The following RBFOX1 variants were observed in gnomAD, a reference collection of about 807,000 sequenced individuals.
RBFOX1 encodes RNA binding fox-1 homolog 1.
Under a neutral mutation model 57.7 loss-of-function variants are expected in RBFOX1, and 8 were observed. The ratio of observed to expected loss-of-function variants is 0.14; its 90% CI spans 0.08 to 0.25. RBFOX1 has a LOEUF of 0.25. Ranked by LOEUF, RBFOX1 falls within the 10% of genes least tolerant of loss-of-function variation. The probability of loss-of-function intolerance (pLI) is 1.00; values close to 1 mark genes in which losing one functional copy is unlikely to be tolerated. For missense variants in RBFOX1, 611 were observed against 548.5 expected, an observed-to-expected ratio of 1.11 and a Z score of -1.14; for synonymous variants, 326 against 222.4, an observed-to-expected ratio of 1.47 and a Z score of -4.15.
Position 6,406,896 on chromosome 16 carries a change from C to G in RBFOX1, c.-64+89839C>G, listed in dbSNP as rs182263351. Among the ~76,000 whole-genome samples, 9 of 152,262 alleles carry G rather than the reference C, an allele frequency of 5.9e-5. No homozygotes were observed. The East Asian group carries it at 1.5e-3, about 26-fold the overall frequency. The stretch of plus-strand genomic sequence containing the variant: ...TTGTGTGTTTATATGCTGGCTGACC[C>G]CCCTACTGACTGTGTGACTACGGAA... On this transcript the variant is annotated intron_variant, in intron 2 of 15. Transcript: ENST00000550418.
At chr16:7,150,458 C>A (rs980470796) in intron 4 of RBFOX1, among the ~76,000 whole-genome samples, 5 of 152,120 alleles carry the variant, frequency 3.3e-5, no homozygotes, top group African/African-American at 1.2e-4. Context: ...CAATGTCAGC[C>A]ACAACTTCCA....
At chr16:5,665,466 C>G (rs139005722) in intron 3 of RBFOX1, among the ~76,000 whole-genome samples, 1 of 150,428 alleles carries the variant, frequency 6.6e-6, no homozygotes, top group Non-Finnish European at 1.5e-5. Context: ...GTAGTTCTCC[C>G]CACATACCAC....
intron 5 of RBFOX1, among the ~76,000 whole-genome samples, chr16:7,535,947 A>T (rs2081361308): frequency 6.6e-6 from 1 of 152,194 alleles, no homozygotes; most frequent in Non-Finnish European, 1.5e-5. Context: ...GAGGCGCAGA[A>T]CTGGGCCTTG....
chr16:7,704,591 C>T (rs547224846), intron 14 of RBFOX1, among the ~76,000 whole-genome samples: 1 of 152,170 alleles, frequency 6.6e-6, no homozygotes, highest in South Asian at 2.1e-4. Flanking sequence ...CTGTTCTAGA[C>T]AGTGGGGATG....
intron 2 of RBFOX1, among the ~76,000 whole-genome samples, chr16:6,590,880 G>A (rs1272090183): frequency 1.3e-5 from 2 of 152,050 alleles, no homozygotes; most frequent in African/African-American, 2.4e-5. Flanking sequence ...GGAGTGACCC[G>A]TGGCAAAAGC....
At chr16:7,218,465 A>G (rs1006536691) in intron 4 of RBFOX1, among the ~76,000 whole-genome samples, 3 of 152,312 alleles carry the variant, frequency 2.0e-5, no homozygotes, top group African/African-American at 7.2e-5. Context: ...GAGAGAGCTC[A>G]TACAGAAGAG....
chr16:6,451,389 C>G (rs2153046108), intron 2 of RBFOX1, among the ~76,000 whole-genome samples: 1 of 152,088 alleles, frequency 6.6e-6, no homozygotes, highest in Non-Finnish European at 1.5e-5. Flanking sequence ...ATTTTTTTGA[C>G]TTTCAACCCC....
chr16:6,124,794 G>C (rs8061855), intron 1 of RBFOX1, among the ~76,000 whole-genome samples: 95,882 of 151,972 alleles, frequency 0.63, 30,577 homozygotes, highest in Middle Eastern at 0.72. Context: ...TTCCAAAATG[G>C]TAGGATTACA....
At chr16:5,438,459 CT>C (rs1450122557) in intron 1 of RBFOX1, among the ~76,000 whole-genome samples, 2 of 152,154 alleles carry the variant, frequency 1.3e-5, no homozygotes, top group Non-Finnish European at 2.9e-5. Context: ...CAAGTGCTGT[CT>C]TGACATCTTT....
chr16:6,468,537 C>G (rs1412671037), intron 2 of RBFOX1, among the ~76,000 whole-genome samples: 3 of 152,090 alleles, frequency 2.0e-5, no homozygotes, highest in Non-Finnish European at 4.4e-5. Context: ...TGGTATAGCA[C>G]CTTCTGTTTT....
chr16:5,969,504 A>G (rs1490381013), intron 4 of RBFOX1, among the ~76,000 whole-genome samples: 2 of 63,934 alleles, frequency 3.1e-5, no homozygotes, highest in Non-Finnish European at 7.1e-5. Flanking sequence ...TTGTATTTTT[A>G]GTAGAGACGG....
intron 3 of RBFOX1, among the ~76,000 whole-genome samples, chr16:7,005,005 A>G (rs1220435952): frequency 3.9e-5 from 6 of 152,148 alleles, no homozygotes; most frequent in South Asian, 2.1e-4. Context: ...TTAGCAGAGC[A>G]TGATGGTGCG....
chr16:7,677,799 G>A (rs1181442599), intron 14 of RBFOX1, among the ~76,000 whole-genome samples: 2 of 152,080 alleles, frequency 1.3e-5, no homozygotes, highest in African/African-American at 4.8e-5. Context: ...TGCATGTGTG[G>A]CTGGGGCATG....
intron 3 of RBFOX1, among the ~76,000 whole-genome samples, chr16:5,677,269 A>G (rs1427848610): frequency 6.6e-6 from 1 of 152,246 alleles, no homozygotes; most frequent in African/African-American, 2.4e-5. Flanking sequence ...TCTGCAAAGA[A>G]TATGTCCTCC....
At chr16:5,445,675 G>A (rs1382345795) in intron 1 of RBFOX1, among the ~76,000 whole-genome samples, 1 of 152,030 alleles carries the variant, frequency 6.6e-6, no homozygotes, top group East Asian at 1.9e-4. Flanking sequence ...ACTCTGGTGG[G>A]GCTGCCTGGA....
chr16:5,583,240 A>C (rs765423948), intron 2 of RBFOX1, among the ~76,000 whole-genome samples: 19 of 152,244 alleles, frequency 1.2e-4, no homozygotes, highest in Non-Finnish European at 2.6e-4. Context: ...AAGCCAACTA[A>C]ATATGGCCTT....
At position 6,464,098 on chromosome 16, in the gene RBFOX1, C is replaced by A. The variant is rs1362413388; in HGVS notation, c.-64+147041C>A. On this transcript the variant is annotated intron_variant, in intron 2 of 15. Transcript: ENST00000550418. ...TTTTATCCCACTGGGATGAAGGCAA[C>A]TTTTTCATCGAAATGTGGGCCACAT... Among the ~76,000 whole-genome samples, 6 of 152,122 alleles carry A rather than the reference C, an allele frequency of 3.9e-5. No individual in the cohort carries two copies. The East Asian group carries it at 5.8e-4, about 15-fold the overall frequency.
At chr16:6,265,971 C>T (rs1403647374) in intron 1 of RBFOX1, among the ~76,000 whole-genome samples, 1 of 152,150 alleles carries the variant, frequency 6.6e-6, no homozygotes, top group South Asian at 2.1e-4. Context: ...TTTATTATTC[C>T]TTACTAAACA....
At chr16:6,851,990 A>T (rs576451945) in intron 3 of RBFOX1, among the ~76,000 whole-genome samples, 1 of 142,682 alleles carries the variant, frequency 7.0e-6, no homozygotes, top group East Asian at 2.1e-4. Context: ...CAGTGGTGTG[A>T]TCTCGGCTCA....
Sources: gnomAD v4.1 joint callset for allele counts (sites outside exome capture counted in the v4.1 genomes callset) on GRCh38, gnomAD v4.1.1 for gene constraint, MANE v1.5 for transcripts, NCBI Gene and HGNC (gene_info 2026-07-23, HGNC 2026-07-21) for gene names.